GRID2: variants seen among roughly 807,000 people sequenced by gnomAD.
The protein encoded by GRID2 is glutamate receptor ionotropic, delta-2.
A neutral mutation model predicts 114.8 loss-of-function variants in GRID2; 33 were observed. The observed-to-expected ratio is 0.29, with a 90% confidence interval of 0.22 to 0.38. GRID2 has a LOEUF of 0.38. Ranked by LOEUF, GRID2 falls within the 10% of genes least tolerant of loss-of-function variation. The pLI, the probability that GRID2 is intolerant of heterozygous loss-of-function variation, is 1.00. For synonymous variants in GRID2, 505 were observed against 449.9 expected, an observed-to-expected ratio of 1.12 and a Z score of -1.55; for missense variants, 1,184 against 1,257.7, an observed-to-expected ratio of 0.94 and a Z score of 0.89.
intron 2 of GRID2, among the ~76,000 whole-genome samples, chr4:92,910,820 G>A (rs1259499569): frequency 6.6e-6 from 1 of 151,948 alleles, no homozygotes; most frequent in Non-Finnish European, 1.5e-5. Flanking sequence ...TACAATGTTG[G>A]TGTCATGTGA....
Position 92,430,694 on chromosome 4 carries a change from G to A in GRID2, c.88+125950G>A, listed in dbSNP as rs754781325. Among the ~76,000 whole-genome samples the A allele has an allele frequency of 3.3e-5, 5 of 152,136 alleles. No homozygotes were observed. In the East Asian group the frequency reaches 9.7e-4, roughly 29 times the overall value. On this transcript the variant is annotated intron_variant, in intron 1 of 15. Transcript: ENST00000282020. ...TGCATTGAATATATGGATTAGTTTG[G>A]GTAGTATGGACTTTTAAACAATATT...
chr4:92,630,275 T>C (rs1730738792), intron 2 of GRID2, among the ~76,000 whole-genome samples: 1 of 152,158 alleles, frequency 6.6e-6, no homozygotes, highest in African/African-American at 2.4e-5. Context: ...TCTCCATCCT[T>C]GTACTTCATC....
At chr4:92,995,172 G>A (rs751115188) in intron 2 of GRID2, among the ~76,000 whole-genome samples, 7 of 152,112 alleles carry the variant, frequency 4.6e-5, no homozygotes, top group Non-Finnish European at 1.0e-4. Context: ...TTCCTTCTCA[G>A]TGTATACAAA....
intron 8 of GRID2, among the ~76,000 whole-genome samples, chr4:93,334,608 G>T (rs1758841587): frequency 6.6e-6 from 1 of 152,176 alleles, no homozygotes; most frequent in African/African-American, 2.4e-5. Context: ...GGTTTAAGAA[G>T]AACAAACAAA....
intron 14 of GRID2, among the ~76,000 whole-genome samples, chr4:93,701,959 A>G (rs1002516208): frequency 2.0e-5 from 3 of 152,128 alleles, no homozygotes; most frequent in African/African-American, 7.2e-5. Flanking sequence ...TCAGTCTGAT[A>G]TGAAGTTTTG....
At chr4:92,578,685 G>C (rs1728022356) in intron 1 of GRID2, among the ~76,000 whole-genome samples, 1 of 151,648 alleles carries the variant, frequency 6.6e-6, no homozygotes, top group Non-Finnish European at 1.5e-5. Context: ...AGACCAGTCT[G>C]GGCAAACTCA....
intron 10 of GRID2, among the ~76,000 whole-genome samples, chr4:93,431,581 G>T (rs1303860276): frequency 6.6e-6 from 1 of 152,122 alleles, no homozygotes; most frequent in East Asian, 1.9e-4. Flanking sequence ...GTAGCATAGT[G>T]GGAGAAAAAG....
intron 1 of GRID2, among the ~76,000 whole-genome samples, chr4:92,533,677 T>G (rs1055258502): frequency 6.6e-6 from 1 of 152,154 alleles, no homozygotes; most frequent in Non-Finnish European, 1.5e-5. Flanking sequence ...GATGGAATAT[T>G]TTTTAAAAAC....
chr4:92,639,014 C>T (rs551151568), intron 2 of GRID2, among the ~76,000 whole-genome samples: 1 of 151,294 alleles, frequency 6.6e-6, no homozygotes, highest in African/African-American at 2.4e-5. Flanking sequence ...TAATTTATTT[C>T]ACTTTCCATG....
chr4:93,110,893 C>CA lies in GRID2; in HGVS notation c.676dup (p.Thr226AsnfsTer3). 6.2e-7 allele frequency: 1 copy of CA among 1,612,918 alleles called. No homozygotes were observed. The highest frequency in any genetic ancestry group is 8.5e-7 in the Non-Finnish European group (1 of 1,178,902). On this transcript the variant is annotated frameshift_variant, in exon 4 of 16. Transcript: ENST00000282020. LOFTEE classifies it high-confidence loss of function. Reference sequence around the variant, plus strand: ...TAGAAGAACTGAATCGCTATCGAGACACTCTTAGGCGAGCGATCCTTGTTA... The same window carrying CA: ...TAGAAGAACTGAATCGCTATCGAGACAACTCTTAGGCGAGCGATCCTTGTTA...
At chr4:93,332,076 T>G (rs2149229965) in intron 8 of GRID2, among the ~76,000 whole-genome samples, 1 of 152,130 alleles carries the variant, frequency 6.6e-6, no homozygotes, top group South Asian at 2.1e-4. Flanking sequence ...TGCCTGAAAT[T>G]TTGAACTTCA....
rs868837678 is a variant in GRID2 at position 92,443,007 on chromosome 4, C to T, written c.88+138263C>T. On this transcript the variant is annotated intron_variant, in intron 1 of 15. Coordinates refer to ENST00000282020, the MANE Select transcript of GRID2 (RefSeq NM_001510.4). ...AGAATTGGGACCTAGCTCGGCCTGG[C>T]GAGGAGCAGCCTGGGGAGGAAGGGA... Among the ~76,000 whole-genome samples the T allele has an allele frequency of 2.2e-3, 336 of 151,738 alleles. 2 individuals carry two copies. Among genetic ancestry groups the T allele is most frequent in the South Asian group, 0.01 (49 of 4,792 alleles).
intron 2 of GRID2, among the ~76,000 whole-genome samples, chr4:92,791,099 A>G (rs1739564803): frequency 6.6e-6 from 1 of 151,796 alleles, no homozygotes; most frequent in African/African-American, 2.4e-5. Context: ...AATATTTACT[A>G]TGATTATCAG....
At chr4:93,753,053 G>C (rs1192497421) in intron 14 of GRID2, among the ~76,000 whole-genome samples, 1 of 152,176 alleles carries the variant, frequency 6.6e-6, no homozygotes, top group Non-Finnish European at 1.5e-5. Flanking sequence ...TTCTCAGAGG[G>C]ATGCCGAGAC....
At chr4:93,042,274 T>TC (rs1560821276) in intron 2 of GRID2, among the ~76,000 whole-genome samples, 32 of 72,954 alleles carry the variant, frequency 4.4e-4, no homozygotes, top group African/African-American at 1.0e-3. Flanking sequence ...TCTCTCTCTC[T>TC]TTCTCTCTCT....
chr4:93,546,231 T>G (rs1445673927), intron 13 of GRID2, among the ~76,000 whole-genome samples: 7 of 152,298 alleles, frequency 4.6e-5, no homozygotes, highest in African/African-American at 1.7e-4. Context: ...TGTGTTGTAG[T>G]TGTTTAAGAT....
intron 1 of GRID2, among the ~76,000 whole-genome samples, chr4:92,373,995 T>C (rs1729237223): frequency 6.6e-6 from 1 of 152,070 alleles, no homozygotes; most frequent in African/African-American, 2.4e-5. Flanking sequence ...TACATATGTG[T>C]TGAATGCATG....
chr4:92,963,360 T>G (rs1369664343), intron 2 of GRID2, among the ~76,000 whole-genome samples: 2 of 152,050 alleles, frequency 1.3e-5, no homozygotes, highest in Admixed American at 1.3e-4. Flanking sequence ...CTCTTATCCC[T>G]GCTGCTGATA....
rs535713676 is a variant in GRID2 at position 93,412,850 on chromosome 4, G to A, written c.1348-9921G>A. Among the ~76,000 whole-genome samples, 26 of 152,246 alleles carry A rather than the reference G, an allele frequency of 1.7e-4. 1 individual carries two copies. In the South Asian group the frequency reaches 5.4e-3, roughly 32 times the overall value. Reference sequence around the variant, plus strand: ...TTATGAGTGAGAACATGAAGTGTTTGGTTGTCTGTTCATTTGTTAGTTTGC... The same window carrying A: ...TTATGAGTGAGAACATGAAGTGTTTAGTTGTCTGTTCATTTGTTAGTTTGC... On this transcript the variant is annotated intron_variant, in intron 9 of 15. Transcript: ENST00000282020.
Sources: allele counts gnomAD v4.1 joint callset (sites outside exome capture counted in the v4.1 genomes callset), GRCh38; gene constraint gnomAD v4.1.1; transcripts MANE v1.5; gene names NCBI Gene and HGNC (gene_info 2026-07-23, HGNC 2026-07-21).